Variants in TTLL6 observed in about 807,000 individuals in gnomAD.
TTLL6 encodes tubulin polyglutamylase TTLL6.
Under a neutral mutation model 96.4 loss-of-function variants are expected in TTLL6, and 75 were observed. The observed-to-expected ratio is 0.78, with a 90% CI of 0.65 to 0.94. TTLL6 has a LOEUF of 0.94. Ranked by LOEUF, TTLL6 falls within the 40% of genes least tolerant of loss-of-function variation. The probability of loss-of-function intolerance (pLI) is 0.00; values close to 1 mark genes in which losing one functional copy is unlikely to be tolerated. For missense variants in TTLL6, 1,030 were observed against 1,093.0 expected (o/e 0.94, Z 0.81); for synonymous variants, 411 against 419.4 (o/e 0.98, Z 0.24).
rs1172858271 is a variant in TTLL6 at position 48,784,994 on chromosome 17, G to A, written c.1969C>T (p.Pro657Ser). Residue 657 changes from proline to serine, a missense_variant, in exon 13 of 16, where the codon CCC becomes TCC. By Grantham distance (74) the Pro-to-Ser change is moderately conservative. Coordinates refer to ENST00000393382, the MANE Select transcript of TTLL6 (RefSeq NM_001130918.3). ...TTGATGCTGAAGTTGGGTTTACTGG[G>A]CTCCAACTTCGAGCTGCTGAGATTG... is the stretch of plus-strand genomic sequence containing the variant. ...NINLSSSKLEPSKPNFSIKEA... is the reference protein window; with the variant it reads ...NINLSSSKLESSKPNFSIKEA... 6.2e-7 allele frequency: 1 copy of A among 1,614,084 alleles called. No individual in the cohort carries two copies. Among genetic ancestry groups the A allele is most frequent in the Non-Finnish European group, 8.5e-7 (1 of 1,180,032 alleles).
At chr17:48,816,053 A>G (rs2039663321) in intron 1 of TTLL6, among the ~76,000 whole-genome samples, 1 of 152,214 alleles carries the variant, frequency 6.6e-6, no homozygotes. Context: ...GATGATAATA[A>G]TATTCATTTT....
chr17:48,766,458 C>A (rs74333450), intron 15 of TTLL6, among the ~76,000 whole-genome samples: 5,373 of 152,308 alleles, frequency 0.035, 141 homozygotes, highest in Non-Finnish European at 0.052. Flanking sequence ...ACACCCTCTT[C>A]ATATAATGAT....
rs772574014 is a variant in TTLL6 at position 48,801,522 on chromosome 17, T to G, written c.480+3A>C. On this transcript the variant is annotated splice_donor_region_variant and intron_variant, in intron 4 of 15. Coordinates refer to ENST00000393382, the MANE Select transcript of TTLL6 (RefSeq NM_001130918.3). ...AACCAAGGACCATCACTAGCCCAAA[T>G]ACCTGGTAACTTTTCATTTCCATCA... 12 of 1,551,878 alleles carry G rather than the reference T, an allele frequency of 7.7e-6. No homozygotes were observed. The highest frequency in any genetic ancestry group is 1.0e-5 in the Non-Finnish European group (12 of 1,146,968).
rs2039406714 is a variant in TTLL6, at chr17:48,801,235, A to G, written c.611+20T>C. On this transcript the variant is annotated intron_variant, in intron 5 of 15. Coordinates refer to ENST00000393382, the MANE Select transcript of TTLL6 (RefSeq NM_001130918.3). ...TGGGGAGGGGAGTGGAGAAGGAAGT[A>G]CAGGGCGGGGGGCACTCACTCAGCA... The G allele has an allele frequency of 1.3e-6, 2 of 1,548,540 alleles. No homozygotes were observed. Among genetic ancestry groups the G allele is most frequent in the Non-Finnish European group, 1.7e-6 (2 of 1,144,482 alleles).
At position 48,784,709 on chromosome 17, in the gene TTLL6, C is replaced by T. The variant is rs1015122669; in HGVS notation, c.2040+214G>A. ...TCTAGGAACCACTCCAGGGGATAAC[C>T]TGCCTCCCAAGAGGGGACGCACAAG... On this transcript the variant is annotated intron_variant, in intron 13 of 15. Transcript: ENST00000393382. Among the ~76,000 whole-genome samples the T allele has an allele frequency of 4.6e-5, 7 of 152,164 alleles. 1 individual carries two copies. The highest frequency in any genetic ancestry group is 2.0e-4 in the Admixed American group (3 of 15,276).
In TTLL6 at chr17:48,769,961, C is replaced by G; in HGVS notation, c.2177G>C (p.Cys726Ser). 6.2e-7 allele frequency: 1 copy of G among 1,614,140 alleles called. No homozygotes were observed. Among genetic ancestry groups the G allele is most frequent in the African/African-American group, 1.3e-5 (1 of 75,028 alleles). ...PETDRVVSFK[C>S]KKQQTPPHLT... ...GTGTGGAGGGGTCTGCTGCTTCTTG[C>G]ATTTAAAGGATACCACCCTGTCCGT... The change falls in exon 14 of 16, where the codon TGC (cysteine) becomes TCC (serine). Residue 726 changes from cysteine (C) to serine (S), a missense_variant. Cys to Ser is a moderately radical substitution (Grantham distance 112, BLOSUM62 -1). Transcript: ENST00000393382.
At position 48,801,617 on chromosome 17, in the gene TTLL6, A is replaced by G; in HGVS notation, c.388T>C (p.Phe130Leu). The change falls in exon 4 of 16, where the codon TTT becomes CTT. Residue 130 changes from phenylalanine to leucine, a missense_variant. Transcript: ENST00000393382. ...TCATCGTCTTCCCCTCCCTCTCTAA[A>G]GCCGTACTGTTGGGCAGCCCTGCGC... is the stretch of plus-strand genomic sequence containing the variant. ...SVRRAAQQYG[F>L]REGGEDDDWT... The G allele has an allele frequency of 6.4e-7, 1 of 1,551,718 alleles. No individual in the cohort carries two copies. The highest frequency in any genetic ancestry group is 1.2e-5 in the South Asian group (1 of 84,056).
chr17:48,790,014 C>T lies in TTLL6; in HGVS notation c.1317G>A (p.Leu439=). ...LLYDTLVLIN[L]ESCDKKKVLE... is the part of the protein sequence containing the mutation. The stretch of plus-strand genomic sequence containing the variant: ...AGACTTTCTTCTTGTCACAGCTTTC[C>T]AGGTTGATCAGGACTAAGGTGTCAT... Residue 439 remains leucine (L), a synonymous_variant, in exon 10 of 16, where the codon CTG becomes CTA. Coordinates refer to ENST00000393382, the MANE Select transcript of TTLL6 (RefSeq NM_001130918.3). 1 of 1,614,182 alleles carries T rather than the reference C, an allele frequency of 6.2e-7. No homozygotes were observed. The highest frequency in any genetic ancestry group is 8.5e-7 in the Non-Finnish European group (1 of 1,180,030).
At chr17:48,796,921 G>T in intron 7 of TTLL6, 140 bp downstream of exon 7, 2 of 962,522 alleles carry the variant, frequency 2.1e-6, no homozygotes, top group Non-Finnish European at 3.0e-6. Context: ...GATCCTGGCA[G>T]CGCTAAATGA....
intron 15 of TTLL6, among the ~76,000 whole-genome samples, chr17:48,767,163 A>C (rs2038631901): frequency 6.6e-6 from 1 of 152,086 alleles, no homozygotes. Flanking sequence ...TCGGCCTCCC[A>C]AAGTGCTGGG....
intron 1 of TTLL6, among the ~76,000 whole-genome samples, chr17:48,810,021 C>G (rs902322450): frequency 1.3e-5 from 2 of 151,748 alleles, no homozygotes; most frequent in East Asian, 3.9e-4. Flanking sequence ...TGCCTGTAAT[C>G]CCACCTCCTC....
At chr17:48,780,350 C>T (rs2038962992) in intron 13 of TTLL6, among the ~76,000 whole-genome samples, 1 of 152,000 alleles carries the variant, frequency 6.6e-6, no homozygotes, top group Non-Finnish European at 1.5e-5. Flanking sequence ...CCAGACTCTA[C>T]TTTAAAAAAT....
chr17:48,794,572 A>G (rs1414424530), intron 8 of TTLL6, among the ~76,000 whole-genome samples: 3 of 152,222 alleles, frequency 2.0e-5, no homozygotes, highest in African/African-American at 7.2e-5. Context: ...CAAGAGGCCC[A>G]GCTGATGCCC....
At chr17:48,785,745 T>C (rs1171773793) in intron 12 of TTLL6, among the ~76,000 whole-genome samples, 1 of 152,098 alleles carries the variant, frequency 6.6e-6, no homozygotes, top group East Asian at 1.9e-4. Flanking sequence ...GAGAGTCCTG[T>C]TCCCAGAAGC....
chr17:48,795,737 G>C (rs980413606), intron 8 of TTLL6, among the ~76,000 whole-genome samples: 1 of 152,134 alleles, frequency 6.6e-6, no homozygotes, highest in African/African-American at 2.4e-5. Flanking sequence ...ATAAATATCT[G>C]TTGATTTGGA....
chr17:48,811,104 C>T (rs1188801682), intron 1 of TTLL6, among the ~76,000 whole-genome samples: 3 of 140,700 alleles, frequency 2.1e-5, no homozygotes, highest in Non-Finnish European at 4.6e-5. Flanking sequence ...GAGTCTCACT[C>T]GTCACACAGG....
chr17:48,808,809 G>A (rs1379380466), intron 1 of TTLL6, among the ~76,000 whole-genome samples: 4 of 152,102 alleles, frequency 2.6e-5, no homozygotes, highest in Admixed American at 1.3e-4. Context: ...GACCTCAAAC[G>A]ATCTGCCCGC....
intron 15 of TTLL6, among the ~76,000 whole-genome samples, chr17:48,766,330 A>G (rs1488491485): frequency 2.6e-5 from 4 of 152,178 alleles, no homozygotes; most frequent in African/African-American, 9.6e-5. Flanking sequence ...CCATGCCACT[A>G]GAGACTCTCT....
At chr17:48,771,943 CA>C (rs2038756190) in intron 13 of TTLL6, among the ~76,000 whole-genome samples, 1 of 151,240 alleles carries the variant, frequency 6.6e-6, no homozygotes, top group East Asian at 2.0e-4. Context: ...GGCATGGTGA[CA>C]GGCACCTGCA....
Sources: allele counts gnomAD v4.1 joint callset (sites outside exome capture counted in the v4.1 genomes callset), GRCh38; gene constraint gnomAD v4.1.1; transcripts MANE v1.5; gene names NCBI Gene and HGNC (gene_info 2026-07-23, HGNC 2026-07-21).